Variants in STUM observed in about 807,000 individuals in gnomAD.
STUM encodes the protein protein stum homolog.
In STUM, 8 loss-of-function variants were observed where a neutral mutation model predicts 15.3. That is an observed-to-expected ratio of 0.52 (90% CI 0.31 to 0.94). The LOEUF (loss-of-function observed/expected upper bound fraction) is 0.94, where lower values mean the gene tolerates loss of function less well. Among genes scored for constraint, STUM ranks in the 40% least tolerant of loss-of-function variants. STUM has a pLI of 0.05. For synonymous variants in STUM, 78 were observed against 88.7 expected (o/e 0.88, Z 0.68); for missense variants, 142 against 204.9 (o/e 0.69, Z 1.87).
chr1:226,571,396 C>T (rs1000340104), intron 1 of STUM, among the ~76,000 whole-genome samples: 7 of 152,124 alleles, frequency 4.6e-5, no homozygotes, highest in African/African-American at 9.7e-5. Flanking sequence ...TTTGAGAAAT[C>T]GACTTCTTGA....
Position 226,567,217 on chromosome 1 carries a change from G to A in STUM, c.202+18111G>A, listed in dbSNP as rs911602494. ...CCAGATTGACCTGAAATCTCTTCCC[G>A]AGCCTTGCTTTCAAAAAGCCTTTGA... On this transcript the variant is annotated intron_variant, in intron 1 of 3. Transcript: ENST00000366788. This position sits in a 1 kb window ranked among gnomAD's most constrained non-coding sequence, Gnocchi z 4.5. Among the ~76,000 whole-genome samples, 4 of 152,122 alleles carry A rather than the reference G, an allele frequency of 2.6e-5. No homozygotes were observed. The highest frequency in any genetic ancestry group is 9.7e-5 in the African/African-American group (4 of 41,424).
In STUM at chr1:226,602,115, T is replaced by C; in HGVS notation, c.*75T>C. 8.8e-7 allele frequency: 1 copy of C among 1,136,556 alleles called. No individual in the cohort carries two copies. Among genetic ancestry groups the C allele is most frequent in the Non-Finnish European group, 1.3e-6 (1 of 774,374 alleles). The allele number at this position is 1,136,556 out of a possible 1,614,324, so 70.4% of individuals were successfully genotyped here. On this transcript the variant is annotated 3_prime_UTR_variant, in exon 4 of 4. Transcript: ENST00000366788. ...CCAGGCAGCTTTGGGCACAAGGACC[T>C]TTACATGTTCTTTTCTGCCATTTTC... is the stretch of plus-strand genomic sequence containing the variant.
At chr1:226,575,422 C>T (rs1338927502) in intron 1 of STUM, among the ~76,000 whole-genome samples, 9 of 152,270 alleles carry the variant, frequency 5.9e-5, no homozygotes, top group Admixed American at 5.2e-4. Context: ...CTCCAGCAGG[C>T]TGCCCTCCAA....
intron 1 of STUM, among the ~76,000 whole-genome samples, chr1:226,587,714 G>T (rs1254413632): frequency 1.3e-5 from 2 of 152,128 alleles, no homozygotes; most frequent in Non-Finnish European, 2.9e-5. Context: ...GGTTCAAGAT[G>T]CCATACACCT....
At chr1:226,553,287 A>G (rs1667397966) in intron 1 of STUM, among the ~76,000 whole-genome samples, 1 of 152,198 alleles carries the variant, frequency 6.6e-6, no homozygotes, top group South Asian at 2.1e-4. Flanking sequence ...GAGAGTAGAG[A>G]GTATTATTAG....
rs550931120 is a variant in STUM, at chr1:226,571,963, T to C, written c.202+22857T>C. On this transcript the variant is annotated intron_variant, in intron 1 of 3. Transcript: ENST00000366788. ...GCCCCTTTTCCCTTCCTTATTCTCC[T>C]ACTTCGCACTTCTGAGTGCCTGGAG... 1.2e-3 allele frequency among the ~76,000 whole-genome samples: 188 copies of C among 152,332 alleles called. 1 individual carries two copies. Among genetic ancestry groups the C allele is most frequent in the African/African-American group, 4.2e-3 (176 of 41,586 alleles).
intron 1 of STUM, among the ~76,000 whole-genome samples, chr1:226,593,424 C>T (rs772238312): frequency 7.9e-5 from 12 of 152,178 alleles, no homozygotes; most frequent in Admixed American, 1.3e-4. Context: ...TCACCCTTCT[C>T]CTCCCAGCAG....
intron 2 of STUM, 146 bp downstream of exon 2, chr1:226,597,127 C>G (rs1571813868): frequency 1.3e-6 from 1 of 783,028 alleles, no homozygotes; most frequent in East Asian, 2.6e-5. Flanking sequence ...CTCTTCACAA[C>G]TCCCTGGGCT....
intron 1 of STUM, among the ~76,000 whole-genome samples, chr1:226,550,038 G>A (rs1369331367): frequency 6.6e-6 from 1 of 152,140 alleles, no homozygotes; most frequent in Non-Finnish European, 1.5e-5. Flanking sequence ...TGCGTGCTGG[G>A]AGGTGCCCCC....
intron 1 of STUM, among the ~76,000 whole-genome samples, chr1:226,572,849 C>T (rs1369724946): frequency 6.6e-6 from 1 of 152,164 alleles, no homozygotes; most frequent in Non-Finnish European, 1.5e-5. Flanking sequence ...CTGGAAGGGT[C>T]CTTGAGGAAC....
intron 1 of STUM, among the ~76,000 whole-genome samples, chr1:226,582,164 G>A (rs1257128577): frequency 1.3e-5 from 2 of 152,208 alleles, no homozygotes; most frequent in East Asian, 1.9e-4. Context: ...CTGCTGTGCC[G>A]GCCCCTGCCC....
Position 226,549,113 on chromosome 1 carries a change from C to T in STUM, c.202+7C>T, listed in dbSNP as rs1667325465. The T allele has an allele frequency of 6.4e-7, 1 of 1,573,226 alleles. No homozygotes were observed. The highest frequency in any genetic ancestry group is 8.6e-7 in the Non-Finnish European group (1 of 1,162,638). On this transcript the variant is annotated splice_region_variant and intron_variant, in intron 1 of 3. Transcript: ENST00000366788. The surrounding 1 kb of genome is among the most constrained non-coding windows in gnomAD (Gnocchi z 6.8). ...ACTTTCGTGCCGGGACTGGGTAAGA[C>T]ACGGCTGCCGCGACCCTTGCGACCC...
At position 226,569,862 on chromosome 1, in the gene STUM, G is replaced by A. The variant is rs200022927; in HGVS notation, c.202+20756G>A. ...GAAATACTGAAGAGGGGTAGAGCCT[G>A]GCAGGGAGATAAGTTAGGGTTAGAT... On this transcript the variant is annotated intron_variant, in intron 1 of 3. Transcript: ENST00000366788. Among the ~76,000 whole-genome samples, 3 of 152,308 alleles carry A rather than the reference G, an allele frequency of 2.0e-5. No individual in the cohort carries two copies. In the East Asian group the frequency reaches 5.8e-4, roughly 29 times the overall value.
At chr1:226,570,745 A>G (rs1667693498) in intron 1 of STUM, among the ~76,000 whole-genome samples, 1 of 152,176 alleles carries the variant, frequency 6.6e-6, no homozygotes, top group Non-Finnish European at 1.5e-5. Context: ...AACCTGGGAG[A>G]AGATATTAGA....
At chr1:226,553,052 G>A (rs900235186) in intron 1 of STUM, among the ~76,000 whole-genome samples, 3 of 152,198 alleles carry the variant, frequency 2.0e-5, no homozygotes, top group African/African-American at 7.2e-5. Flanking sequence ...GAAGTTTACA[G>A]CCTACTAAAC....
chr1:226,598,016 T>G (rs1292665815), intron 2 of STUM, among the ~76,000 whole-genome samples: 2 of 152,292 alleles, frequency 1.3e-5, no homozygotes, highest in African/African-American at 4.8e-5. Context: ...GGGAGGGGTG[T>G]GCTCAGGGCA....
In STUM at chr1:226,565,571, C is replaced by T. The variant is rs527588499; in HGVS notation, c.202+16465C>T. 3.9e-5 allele frequency among the ~76,000 whole-genome samples: 6 copies of T among 152,332 alleles called. No homozygotes were observed. The highest frequency in any genetic ancestry group is 2.1e-4 in the South Asian group (1 of 4,830). On this transcript the variant is annotated intron_variant, in intron 1 of 3. Coordinates refer to ENST00000366788, the MANE Select transcript of STUM (RefSeq NM_001003665.4). The surrounding 1 kb of genome is among the most constrained non-coding windows in gnomAD (Gnocchi z 4.4). The stretch of plus-strand genomic sequence containing the variant: ...AGTACATGGAGCCAGGGCTTCCTGC[C>T]GTCTGAAAAGTGTGGGTGTCCAGCT...
rs1668356773 is a variant in STUM at position 226,606,317 on chromosome 1, CA to C, written c.*4278del. On this transcript the variant is annotated 3_prime_UTR_variant, in exon 4 of 4. Transcript: ENST00000366788. Reference sequence around the variant, plus strand: ...TTCTTTAGCTAACCCCTTCCCTGCCCAGATGCCTGCAATTCTGAGAATTCAC... The same window carrying C: ...TTCTTTAGCTAACCCCTTCCCTGCCCGATGCCTGCAATTCTGAGAATTCAC... The C allele has an allele frequency of 6.6e-6, 1 of 152,262 alleles. No individual in the cohort carries two copies. Among genetic ancestry groups the C allele is most frequent in the African/African-American group, 2.4e-5 (1 of 41,452 alleles). The allele number at this position is 152,262 out of a possible 1,614,324, so 9.4% of individuals were successfully genotyped here.
chr1:226,561,369 A>G (rs1478199767), intron 1 of STUM, among the ~76,000 whole-genome samples: 1 of 152,198 alleles, frequency 6.6e-6, no homozygotes, highest in Non-Finnish European at 1.5e-5. Context: ...ACCCTTCCCC[A>G]GGAGACACAG....
Sources: gnomAD v4.1 joint callset for allele counts (sites outside exome capture counted in the v4.1 genomes callset) on GRCh38, gnomAD v4.1.1 for gene constraint, Gnocchi (gnomAD v3.1) non-coding constraint, MANE v1.5 for transcripts, NCBI Gene and HGNC (gene_info 2026-07-23, HGNC 2026-07-21) for gene names.